SDCCAG8: variants seen among roughly 807,000 people sequenced by gnomAD.
The protein encoded by SDCCAG8 is serologically defined colon cancer antigen 8.
Under a neutral mutation model 101.8 loss-of-function variants are expected in SDCCAG8, and 74 were observed. That is an observed-to-expected ratio of 0.73 (90% CI 0.60 to 0.88). SDCCAG8 has a LOEUF of 0.88. SDCCAG8 is among the 40% of genes least tolerant of loss of function. The pLI is 0.00. For missense variants in SDCCAG8, 787 were observed against 822.6 expected (o/e 0.96, Z 0.53); for synonymous variants, 281 against 292.9 (o/e 0.96, Z 0.41).
chr1:243,265,865 CT>C (rs1444995612), intron 1 of SDCCAG8, among the ~76,000 whole-genome samples: 2 of 151,786 alleles, frequency 1.3e-5, no homozygotes, highest in Non-Finnish European at 2.9e-5. Flanking sequence ...AGAACTCTGC[CT>C]ACAGAGGCTT....
intron 10 of SDCCAG8, among the ~76,000 whole-genome samples, chr1:243,335,721 A>C (rs1224352107): frequency 6.6e-6 from 1 of 152,048 alleles, no homozygotes; most frequent in Non-Finnish European, 1.5e-5. Context: ...TTTGGTTTAC[A>C]AATTATCTTG....
chr1:243,423,640 T>C (rs771821883), intron 15 of SDCCAG8, among the ~76,000 whole-genome samples: 1 of 152,132 alleles, frequency 6.6e-6, no homozygotes, highest in Non-Finnish European at 1.5e-5. Flanking sequence ...GATTAATCCT[T>C]TTAAGGGTGT....
intron 12 of SDCCAG8, among the ~76,000 whole-genome samples, chr1:243,374,834 G>C (rs940622009): frequency 6.6e-6 from 1 of 151,890 alleles, no homozygotes; most frequent in Non-Finnish European, 1.5e-5. Flanking sequence ...TGCCAAGAAG[G>C]ATATATCCAG....
intron 1 of SDCCAG8, among the ~76,000 whole-genome samples, 193 bp from the exon 2 acceptor site, chr1:243,269,900 ATCAAGTCCTACC>A (rs2067946839): frequency 6.6e-6 from 1 of 152,184 alleles, no homozygotes; most frequent in Non-Finnish European, 1.5e-5. Context: ...CTTAGAGATC[ATCAAGTCCTACC>A]TCTAAACCAT....
At chr1:243,468,732 G>A (rs1486746947) in intron 16 of SDCCAG8, among the ~76,000 whole-genome samples, 3 of 152,186 alleles carry the variant, frequency 2.0e-5, no homozygotes, top group Admixed American at 6.5e-5. Context: ...AAAGCATTTA[G>A]TACAGTAACT....
chr1:243,295,844 T>C (rs2070819137), intron 6 of SDCCAG8, among the ~76,000 whole-genome samples: 1 of 152,190 alleles, frequency 6.6e-6, no homozygotes, highest in Non-Finnish European at 1.5e-5. Flanking sequence ...TTTATGACTA[T>C]TGGAGACTCA....
chr1:243,299,364 A>G (rs2071266973), intron 6 of SDCCAG8, among the ~76,000 whole-genome samples: 1 of 152,142 alleles, frequency 6.6e-6, no homozygotes, highest in Non-Finnish European at 1.5e-5. Context: ...TATAGAAAGC[A>G]TATAGTTGGG....
In SDCCAG8 at chr1:243,304,784, T is replaced by A. The variant is rs2149314969; in HGVS notation, c.740+7T>A. On this transcript the variant is annotated splice_region_variant and intron_variant, in intron 7 of 17. Coordinates refer to ENST00000366541, the MANE Select transcript of SDCCAG8 (RefSeq NM_006642.5). The stretch of plus-strand genomic sequence containing the variant: ...CCCAATTGAAGTTTTTGAGGTAAAG[T>A]GAAATCGTCCATTTATAGTCATACC... The A allele has an allele frequency of 6.5e-7, 1 of 1,530,212 alleles. No individual in the cohort carries two copies. Among genetic ancestry groups the A allele is most frequent in the Non-Finnish European group, 9.1e-7 (1 of 1,103,658 alleles). The allele number at this position is 1,530,212 out of a possible 1,614,324, so 94.8% of individuals were successfully genotyped here.
intron 16 of SDCCAG8, among the ~76,000 whole-genome samples, chr1:243,482,972 C>T (rs1168410595): frequency 6.6e-6 from 1 of 152,188 alleles, no homozygotes; most frequent in Non-Finnish European, 1.5e-5. Context: ...GGGCTGCTGC[C>T]TAAACAGACT....
intron 5 of SDCCAG8, among the ~76,000 whole-genome samples, chr1:243,287,301 C>G (rs1314665676): frequency 6.6e-6 from 1 of 152,154 alleles, no homozygotes; most frequent in Admixed American, 6.5e-5. Context: ...TCCAGCTTCA[C>G]TTTGCAGTTT....
In SDCCAG8 at chr1:243,275,346, A is replaced by T. The variant is rs553208935; in HGVS notation, c.420+690A>T. Reference sequence around the variant, plus strand: ...TAGTATCAGTGTATTCGATTGTATGATATTTTTATAGGAATCACTGATATC... The same window carrying T: ...TAGTATCAGTGTATTCGATTGTATGTTATTTTTATAGGAATCACTGATATC... On this transcript the variant is annotated intron_variant, in intron 4 of 17. Coordinates refer to ENST00000366541, the MANE Select transcript of SDCCAG8 (RefSeq NM_006642.5). Among the ~76,000 whole-genome samples the T allele has an allele frequency of 9.4e-5, 14 of 148,978 alleles. No individual in the cohort carries two copies. In the South Asian group the frequency reaches 2.3e-3, roughly 25 times the overall value.
At chr1:243,374,874 A>G (rs2077503763) in intron 12 of SDCCAG8, among the ~76,000 whole-genome samples, 1 of 152,100 alleles carries the variant, frequency 6.6e-6, no homozygotes, top group Non-Finnish European at 1.5e-5. Flanking sequence ...TTTATCTAAT[A>G]TGTTCATTTA....
intron 9 of SDCCAG8, among the ~76,000 whole-genome samples, chr1:243,321,381 C>T (rs563644003): frequency 1.3e-5 from 2 of 149,700 alleles, no homozygotes; most frequent in African/African-American, 2.5e-5. Context: ...CCATGCCCCC[C>T]TCTCTCCTCC....
chr1:243,286,127 C>T, intron 4 of SDCCAG8, 145 bp from the exon 5 acceptor site: 1 of 858,102 alleles, frequency 1.2e-6, no homozygotes, highest in Non-Finnish European at 1.9e-6. Flanking sequence ...TGTTAGGCTG[C>T]CTTGTTTGTC....
At chr1:243,443,593 T>G (rs2082689698) in intron 16 of SDCCAG8, among the ~76,000 whole-genome samples, 2 of 152,196 alleles carry the variant, frequency 1.3e-5, no homozygotes, top group African/African-American at 4.8e-5. Context: ...AGTTCTCATT[T>G]GTAAGCTCTT....
intron 8 of SDCCAG8, among the ~76,000 whole-genome samples, chr1:243,312,969 G>A (rs1244690604): frequency 6.6e-6 from 1 of 152,074 alleles, no homozygotes; most frequent in Non-Finnish European, 1.5e-5. Flanking sequence ...TCTTTTTCTT[G>A]CTTAATGATC....
intron 9 of SDCCAG8, among the ~76,000 whole-genome samples, chr1:243,327,424 G>A (rs10803135): frequency 0.86 from 110,172 of 128,154 alleles, 46,964 homozygotes; most frequent in East Asian, 0.92. Context: ...TTTTATAGAA[G>A]TTAAAATTAT....
chr1:243,269,031 T>C (rs2067865052), intron 1 of SDCCAG8: 1 of 152,982 alleles, frequency 6.5e-6, no homozygotes, highest in Non-Finnish European at 1.5e-5. Flanking sequence ...TTTCTCTTTC[T>C]TCATGGGGTC....
intron 16 of SDCCAG8, among the ~76,000 whole-genome samples, chr1:243,450,046 A>G (rs542886727): frequency 6.6e-6 from 1 of 152,324 alleles, no homozygotes; most frequent in Admixed American, 6.5e-5. Context: ...CTAGAGGCCA[A>G]CATTCCCTGA....
Sources: gnomAD v4.1 joint callset for allele counts (sites outside exome capture counted in the v4.1 genomes callset) on GRCh38, gnomAD v4.1.1 for gene constraint, MANE v1.5 for transcripts, NCBI Gene and HGNC (gene_info 2026-07-23, HGNC 2026-07-21) for gene names.